Variants in OIT3 observed in about 807,000 individuals in gnomAD.
OIT3 encodes oncoprotein-induced transcript 3 protein.
OIT3 carries 41 observed loss-of-function variants against 52.2 expected under a neutral mutation model. The ratio of observed to expected loss-of-function variants is 0.79; its 90% CI spans 0.61 to 1.02. The LOEUF is 1.02. OIT3 is among the 50% of genes least tolerant of loss of function. The probability of loss-of-function intolerance (pLI) is 0.00; values close to 1 mark genes in which losing one functional copy is unlikely to be tolerated. For missense variants in OIT3, 634 were observed against 715.5 expected (o/e 0.89, Z 1.30); for synonymous variants, 244 against 276.9 (o/e 0.88, Z 1.18).
chr10:72,920,710 T>C (rs780154393), intron 6 of OIT3, among the ~76,000 whole-genome samples: 2 of 152,246 alleles, frequency 1.3e-5, no homozygotes, highest in Non-Finnish European at 2.9e-5. Flanking sequence ...CAGAAGCAGG[T>C]TATTACATTT....
intron 6 of OIT3, 73 bp from the exon 7 acceptor site, chr10:72,924,156 G>A (rs1564595985): frequency 7.8e-7 from 1 of 1,282,250 alleles, no homozygotes; most frequent in Non-Finnish European, 1.1e-6. Flanking sequence ...ATGTTAAGGT[G>A]AGAGGAGGGG....
At position 72,924,161 on chromosome 10, in the gene OIT3, G is replaced by A. The variant is rs985537236; in HGVS notation, c.952-68G>A. 16 of 1,329,694 alleles carry A rather than the reference G, an allele frequency of 1.2e-5. No individual in the cohort carries two copies. In the African/African-American group the frequency reaches 2.2e-4, roughly 18 times the overall value. The allele number at this position is 1,329,694 out of a possible 1,614,324, so 82.4% of individuals were successfully genotyped here. Reference sequence around the variant, plus strand: ...GGTAGATAGAATGTTAAGGTGAGAGGAGGGGGAAAAAAAACTGTAGAAACA... The same window carrying A: ...GGTAGATAGAATGTTAAGGTGAGAGAAGGGGGAAAAAAAACTGTAGAAACA... On this transcript the variant is annotated intron_variant, in intron 6 of 8. Transcript: ENST00000334011.
At chr10:72,910,710 A>G (rs1053266040) in intron 4 of OIT3, among the ~76,000 whole-genome samples, 2 of 152,238 alleles carry the variant, frequency 1.3e-5, no homozygotes, top group Non-Finnish European at 2.9e-5. Context: ...TGAGTGTCTC[A>G]GATGTTTTGA....
In OIT3 at chr10:72,900,495, C is replaced by T. The variant is rs1279094397; in HGVS notation, c.544+11C>T. On this transcript the variant is annotated intron_variant, in intron 3 of 8. Coordinates refer to ENST00000334011, the MANE Select transcript of OIT3 (RefSeq NM_152635.3). ...GGCAGACATGCTTTGGTAAGAAACT[C>T]ATCAAAGGTAGAATCAGGCTATTAG... 6 of 1,456,092 alleles carry T rather than the reference C, an allele frequency of 4.1e-6. No homozygotes were observed. Among genetic ancestry groups the T allele is most frequent in the Admixed American group, 1.7e-5 (1 of 58,564 alleles). 90.2% of individuals were successfully genotyped at this position (1,456,092 alleles called of 1,614,324 possible). A position where few individuals can be genotyped will look rare whatever the true frequency, so the allele number is the denominator to read the frequency against.
intron 7 of OIT3, among the ~76,000 whole-genome samples, chr10:72,928,986 C>T (rs990363476): frequency 6.6e-6 from 1 of 152,028 alleles, no homozygotes. Flanking sequence ...GCGGAAGGAT[C>T]GCTTGAGTGG....
At chr10:72,909,268 G>T (rs1327242887) in intron 4 of OIT3, among the ~76,000 whole-genome samples, 3 of 151,722 alleles carry the variant, frequency 2.0e-5, no homozygotes, top group Non-Finnish European at 4.4e-5. Context: ...CTACAGGCGT[G>T]CACCACCACA....
At chr10:72,904,057 G>T (rs540561416) in intron 3 of OIT3, among the ~76,000 whole-genome samples, 2 of 152,068 alleles carry the variant, frequency 1.3e-5, no homozygotes, top group African/African-American at 4.8e-5. Flanking sequence ...TGACCTAACC[G>T]GTTATGTTAT....
chr10:72,895,655 C>T lies in OIT3; in HGVS notation c.61+1796C>T, dbSNP rs957956812. On this transcript the variant is annotated intron_variant, in intron 1 of 8. Transcript: ENST00000334011. ...CTGTGATTCAGGGGCGGCTGTCTGC[C>T]GGATAGGACCTGGAGGGTTGGAGGA... Among the ~76,000 whole-genome samples the T allele has an allele frequency of 4.6e-5, 7 of 152,222 alleles. No homozygotes were observed. In the East Asian group the frequency reaches 1.2e-3, roughly 25 times the overall value.
intron 3 of OIT3, among the ~76,000 whole-genome samples, chr10:72,904,440 C>T (rs1845961243): frequency 6.6e-6 from 1 of 152,154 alleles, no homozygotes; most frequent in Non-Finnish European, 1.5e-5. Context: ...ACCATGTCTA[C>T]ATCCAGGAAG....
At chr10:72,916,509 C>CT (rs1042937694) in intron 6 of OIT3, among the ~76,000 whole-genome samples, 4 of 152,170 alleles carry the variant, frequency 2.6e-5, no homozygotes, top group Admixed American at 2.0e-4. Context: ...TGATCTCATT[C>CT]TTTTTTTGTG....
At chr10:72,925,006 G>T (rs1277947706) in intron 7 of OIT3, among the ~76,000 whole-genome samples, 1 of 151,612 alleles carries the variant, frequency 6.6e-6, no homozygotes, top group Non-Finnish European at 1.5e-5. Context: ...AGCTACTCAA[G>T]AGGCTGAGGC....
chr10:72,919,422 A>G (rs1264946615), intron 6 of OIT3, among the ~76,000 whole-genome samples: 1 of 152,086 alleles, frequency 6.6e-6, no homozygotes, highest in Non-Finnish European at 1.5e-5. Flanking sequence ...CTCTCTTCCT[A>G]TTTGAATGCC....
rs556720447 is a variant in OIT3, at chr10:72,913,511, G to A, written c.951+43G>A. ...GGCACTTGGGGAATGACCAAAAGCCGGTTATTTGGGAGGCAGTGGACAGAG... is the reference window on the plus strand; with the variant it reads ...GGCACTTGGGGAATGACCAAAAGCCAGTTATTTGGGAGGCAGTGGACAGAG... On this transcript the variant is annotated intron_variant, in intron 6 of 8. Coordinates refer to ENST00000334011, the MANE Select transcript of OIT3 (RefSeq NM_152635.3). 1.1e-4 allele frequency: 169 copies of A among 1,523,174 alleles called. 2 individuals carry two copies. In the South Asian group the frequency reaches 1.2e-3, roughly 11 times the overall value. 94.4% of individuals were successfully genotyped at this position (1,523,174 alleles called of 1,614,324 possible).
chr10:72,910,842 G>C (rs1423567086), intron 4 of OIT3, among the ~76,000 whole-genome samples: 1 of 152,180 alleles, frequency 6.6e-6, no homozygotes, highest in African/African-American at 2.4e-5. Context: ...ACTCAACTCT[G>C]TTCTTGTAGT....
At chr10:72,909,152 C>T (rs1485882324) in intron 4 of OIT3, among the ~76,000 whole-genome samples, 1 of 144,288 alleles carries the variant, frequency 6.9e-6, no homozygotes. Flanking sequence ...TAAGGTCTCA[C>T]TCTGTCACCC....
chr10:72,914,377 G>A (rs1846055860), intron 6 of OIT3, among the ~76,000 whole-genome samples: 1 of 152,108 alleles, frequency 6.6e-6, no homozygotes, highest in South Asian at 2.1e-4. Flanking sequence ...AGAGCAGAGG[G>A]GGCCTGCATC....
chr10:72,916,034 T>G (rs1478430492), intron 6 of OIT3, among the ~76,000 whole-genome samples: 1 of 152,122 alleles, frequency 6.6e-6, no homozygotes, highest in Non-Finnish European at 1.5e-5. Context: ...GGCGGGTAAA[T>G]GAAGATGGGA....
At position 72,913,286 on chromosome 10, in the gene OIT3, C is replaced by CA. The variant is rs758377138; in HGVS notation, c.791-21dup. ...CCCGATTCAGGTTTCCTGGCTCTAA[C>CA]AGTGGCCCTTTTTCTCTGCAGTCCC... On this transcript the variant is annotated intron_variant, in intron 5 of 8. Coordinates refer to ENST00000334011, the MANE Select transcript of OIT3 (RefSeq NM_152635.3). The CA allele has an allele frequency of 2.6e-5, 40 of 1,556,442 alleles. No individual in the cohort carries two copies. In the African/African-American group the frequency reaches 5.0e-4, roughly 19 times the overall value.
At chr10:72,920,808 G>T (rs937795831) in intron 6 of OIT3, among the ~76,000 whole-genome samples, 4 of 152,246 alleles carry the variant, frequency 2.6e-5, no homozygotes, top group African/African-American at 7.2e-5. Flanking sequence ...TATGATTTCA[G>T]TTCTTTTGCA....
Sources: gnomAD v4.1 joint callset for allele counts (sites outside exome capture counted in the v4.1 genomes callset) on GRCh38, gnomAD v4.1.1 for gene constraint, MANE v1.5 for transcripts, NCBI Gene and HGNC (gene_info 2026-07-23, HGNC 2026-07-21) for gene names.